The following EXOSC8 variants were observed in gnomAD, a reference collection of about 807,000 sequenced individuals.
EXOSC8 encodes exosome complex component RRP43.
Under a neutral mutation model 39.9 loss-of-function variants are expected in EXOSC8, and 37 were observed. The observed-to-expected ratio is 0.93, with a 90% CI of 0.71 to 1.22. The LOEUF is 1.22. EXOSC8 is among the 50% of genes most tolerant of loss of function. The pLI is 0.00. For synonymous variants in EXOSC8, 93 were observed against 109.5 expected (o/e 0.85, Z 0.94); for missense variants, 313 against 326.6 (o/e 0.96, Z 0.32).
chr13:37,008,196 C>CT lies in EXOSC8; in HGVS notation c.608+22dup, dbSNP rs774862843. On this transcript the variant is annotated intron_variant, in intron 9 of 10. Transcript: ENST00000389704. ...TTGATGAGTAAGTTAATCAAACTTA[C>CT]TTTAAAATTTTCTATATTTAAGATT... 2.4e-5 allele frequency: 38 copies of CT among 1,583,374 alleles called. No homozygotes were observed. In the South Asian group the frequency reaches 4.1e-4, roughly 17 times the overall value.
chr13:37,003,169 C>G, intron 4 of EXOSC8, 162 bp downstream of exon 4: 1 of 485,040 alleles, frequency 2.1e-6, no homozygotes, highest in South Asian at 3.9e-5. Flanking sequence ...GATAATATGA[C>G]CCAAGTTTAA....
In EXOSC8 at chr13:37,008,021, G is replaced by C. The variant is rs752135157; in HGVS notation, c.488-36G>C. ...AAGCTTAGAAATCATTTGTTTCTTAGAGACTTACTTACTTTACAAATTTGC... is the reference window on the plus strand; with the variant it reads ...AAGCTTAGAAATCATTTGTTTCTTACAGACTTACTTACTTTACAAATTTGC... On this transcript the variant is annotated intron_variant, in intron 8 of 10. Coordinates refer to ENST00000389704, the MANE Select transcript of EXOSC8 (RefSeq NM_181503.3). 7.5e-6 allele frequency: 11 copies of C among 1,459,754 alleles called. No homozygotes were observed. In the African/African-American group the frequency reaches 1.6e-4, roughly 21 times the overall value. 90.4% of individuals were successfully genotyped at this position (1,459,754 alleles called of 1,614,324 possible).
intron 7 of EXOSC8, 68 bp downstream of exon 7, chr13:37,006,228 T>A: frequency 9.4e-7 from 1 of 1,060,698 alleles, no homozygotes; most frequent in Non-Finnish European, 1.4e-6. Context: ...TGGGGGAAAG[T>A]GAACAAGGAA....
chr13:37,007,464 T>C (rs1055287038), intron 8 of EXOSC8, among the ~76,000 whole-genome samples: 1 of 152,234 alleles, frequency 6.6e-6, no homozygotes, highest in African/African-American at 2.4e-5. Context: ...GGAAGTTTCT[T>C]AGCAAGGAGT....
intron 8 of EXOSC8, 143 bp downstream of exon 8, chr13:37,007,214 T>C (rs887950297): frequency 6.0e-6 from 4 of 665,182 alleles, no homozygotes; most frequent in Non-Finnish European, 1.1e-5. Flanking sequence ...TAGTTGATAG[T>C]TGTATATTCT....
In EXOSC8 at chr13:37,004,818, A is replaced by G. The variant is rs559615593; in HGVS notation, c.238+257A>G. The stretch of plus-strand genomic sequence containing the variant: ...TTTATACATTCATAAGTTACTAACC[A>G]AGAAAATAGAATTTTGGCTGGGTGT... On this transcript the variant is annotated intron_variant, in intron 5 of 10. Transcript: ENST00000389704. Among the ~76,000 whole-genome samples, 8 of 152,372 alleles carry G rather than the reference A, an allele frequency of 5.3e-5. No homozygotes were observed. In the South Asian group the frequency reaches 1.7e-3, roughly 32 times the overall value.
At chr13:37,003,473 G>A (rs1026010374) in intron 4 of EXOSC8, 3 of 154,318 alleles carry the variant, frequency 1.9e-5, no homozygotes, top group African/African-American at 7.2e-5. Flanking sequence ...TTTGTTACTT[G>A]TCTTCACCTC....
Position 37,005,961 on chromosome 13 carries a change from C to T in EXOSC8, c.280C>T (p.Arg94Trp), listed in dbSNP as rs138006140. The T allele has an allele frequency of 1.6e-5, 25 of 1,612,068 alleles. No individual in the cohort carries two copies. Among genetic ancestry groups the T allele is most frequent in the South Asian group, 4.4e-5 (4 of 91,028 alleles). ...ACCACCCCTGTGTTCATCGAGATTC[C>T]GGTCTGGACCTCCTGGAGAAGAGGC... ...DLPPLCSSRF[R>W]SGPPGEEAQV... The change falls in exon 6 of 11, where the codon CGG becomes TGG. Residue 94 changes from arginine to tryptophan, a missense_variant. Physicochemically the swap from Arg to Trp is moderately radical, Grantham distance 101. Transcript: ENST00000389704.
chr13:37,006,744 G>A (rs1158163823), intron 7 of EXOSC8, among the ~76,000 whole-genome samples: 1 of 152,204 alleles, frequency 6.6e-6, no homozygotes, highest in African/African-American at 2.4e-5. Context: ...AAATGGACAT[G>A]TTTGTCATTT....
intron 4 of EXOSC8, 158 bp from the exon 5 acceptor site, chr13:37,004,358 T>C: frequency 1.7e-6 from 1 of 596,696 alleles, no homozygotes; most frequent in Non-Finnish European, 3.0e-6. Flanking sequence ...CTTCTTATCT[T>C]GTAGAGCTAT....
chr13:37,006,397 G>T (rs1014139756), intron 7 of EXOSC8, among the ~76,000 whole-genome samples: 1 of 152,008 alleles, frequency 6.6e-6, no homozygotes, highest in African/African-American at 2.4e-5. Context: ...CTTTTAAACT[G>T]AAGTAATTTT....
In EXOSC8 at chr13:37,005,018, C is replaced by G. The variant is rs974192048; in HGVS notation, c.238+457C>G. 2.6e-5 allele frequency among the ~76,000 whole-genome samples: 4 copies of G among 151,966 alleles called. No individual in the cohort carries two copies. In the East Asian group the frequency reaches 7.7e-4, roughly 29 times the overall value. ...GTCCCAGCTACTTGGGAGGCTGAAG[C>G]AGGAGGATTGCTTGAGCCTGGGAGG... On this transcript the variant is annotated intron_variant, in intron 5 of 10. Transcript: ENST00000389704.
At chr13:37,002,857 CTTAATT>C (rs1433348896) in intron 3 of EXOSC8, 71 bp from the exon 4 acceptor site, 14 of 993,444 alleles carry the variant, frequency 1.4e-5, no homozygotes, top group African/African-American at 1.3e-4. Flanking sequence ...AACTAAAACA[CTTAATT>C]TTAATTATTA....
intron 2 of EXOSC8, 81 bp downstream of exon 2, chr13:37,002,390 C>A: frequency 7.2e-7 from 1 of 1,391,944 alleles, no homozygotes; most frequent in Non-Finnish European, 1.0e-6. Context: ...TTAAATTAAT[C>A]CATTTGAAGT....
chr13:37,003,734 C>A (rs1311664578), intron 4 of EXOSC8: 1 of 152,174 alleles, frequency 6.6e-6, no homozygotes, highest in Non-Finnish European at 1.5e-5. Flanking sequence ...ATTAACAGTC[C>A]CTAGGAGTAG....
intron 10 of EXOSC8, 124 bp downstream of exon 10, chr13:37,008,959 C>A: frequency 1.3e-6 from 1 of 750,360 alleles, no homozygotes. Context: ...AGTTTCTTAG[C>A]TACCTAAAAT....
rs770870370 is a variant in EXOSC8, at chr13:37,005,965, C to A, written c.284C>A (p.Ser95Tyr). Residue 95 changes from serine (S) to tyrosine (Y), a missense_variant, in exon 6 of 11, where the codon TCT (serine) becomes TAT (tyrosine). Physicochemically the swap from Ser to Tyr is moderately radical, Grantham distance 144 (BLOSUM62 -2). Coordinates refer to ENST00000389704, the MANE Select transcript of EXOSC8 (RefSeq NM_181503.3). The part of the protein sequence containing the change: ...LPPLCSSRFR[S>Y]GPPGEEAQVA... ...CCCCTGTGTTCATCGAGATTCCGGT[C>A]TGGACCTCCTGGAGAAGAGGCCCAA... 1.9e-6 allele frequency: 3 copies of A among 1,606,392 alleles called. No individual in the cohort carries two copies. In the Admixed American group the frequency reaches 5.0e-5, roughly 27 times the overall value.
chr13:37,004,530 A>G lies in EXOSC8; in HGVS notation c.207A>G (p.Pro69=). The G allele has an allele frequency of 6.2e-7, 1 of 1,609,102 alleles. No individual in the cohort carries two copies. The highest frequency in any genetic ancestry group is 8.5e-7 in the Non-Finnish European group (1 of 1,176,294). Residue 69 remains proline (P), a synonymous_variant, in exon 5 of 11, where the codon CCA becomes CCG. Transcript: ENST00000389704. ...ICGVKAEFAA[P]STDAPDKGYV... ...TGCTACTATAGGAATTTGCAGCACC[A>G]TCAACAGATGCCCCTGATAAAGGAT...
chr13:37,008,012 T>A (rs1224712819), intron 8 of EXOSC8, 45 bp from the exon 9 acceptor site: 2 of 1,426,106 alleles, frequency 1.4e-6, no homozygotes, highest in Non-Finnish European at 1.9e-6. Flanking sequence ...AGAAATCATT[T>A]GTTTCTTAGA....
Sources: gnomAD v4.1 joint callset for allele counts (sites outside exome capture counted in the v4.1 genomes callset) on GRCh38, gnomAD v4.1.1 for gene constraint, MANE v1.5 for transcripts, NCBI Gene and HGNC (gene_info 2026-07-23, HGNC 2026-07-21) for gene names.